SEMA3E: variants seen among roughly 807,000 people sequenced by gnomAD.
The protein encoded by SEMA3E is semaphorin-3E.
SEMA3E carries 49 observed loss-of-function variants against 93.6 expected under a neutral mutation model. The observed-to-expected ratio is 0.52, with a 90% CI of 0.42 to 0.66. SEMA3E has a LOEUF of 0.66. SEMA3E is among the 30% of genes least tolerant of loss of function. The pLI is 0.00. For synonymous variants in SEMA3E, 363 were observed against 330.7 expected, an observed-to-expected ratio of 1.10 and a Z score of -1.06; for missense variants, 906 against 964.8, an observed-to-expected ratio of 0.94 and a Z score of 0.81.
intron 4 of SEMA3E, among the ~76,000 whole-genome samples, chr7:83,464,247 T>C (rs955119595): frequency 2.6e-5 from 4 of 151,622 alleles, no homozygotes; most frequent in African/African-American, 9.7e-5. Flanking sequence ...CTTTTACCAC[T>C]TTCCCTTCTC....
intron 1 of SEMA3E, among the ~76,000 whole-genome samples, chr7:83,575,917 G>T (rs215292): frequency 0.58 from 87,932 of 151,788 alleles, 27,177 homozygotes; most frequent in African/African-American, 0.8. Flanking sequence ...CACAGTAAAG[G>T]TTTGTTAATG....
chr7:83,407,416 C>T (rs1370960941), intron 6 of SEMA3E, among the ~76,000 whole-genome samples, 177 bp from the exon 7 acceptor site: 1 of 152,068 alleles, frequency 6.6e-6, no homozygotes, highest in Non-Finnish European at 1.5e-5. Context: ...GATATCTCCA[C>T]TTTATTTGCA....
chr7:83,547,602 C>A (rs1791678659), intron 1 of SEMA3E, among the ~76,000 whole-genome samples: 1 of 152,072 alleles, frequency 6.6e-6, no homozygotes, highest in Non-Finnish European at 1.5e-5. Flanking sequence ...ATAACTGCCA[C>A]CAAAATGATG....
chr7:83,544,277 A>G (rs148819940), intron 1 of SEMA3E, among the ~76,000 whole-genome samples: 1 of 152,238 alleles, frequency 6.6e-6, no homozygotes, highest in East Asian at 1.9e-4. Flanking sequence ...CAGATAATTG[A>G]GAAGTACAGT....
intron 1 of SEMA3E, among the ~76,000 whole-genome samples, chr7:83,526,738 A>T (rs62477025): frequency 0.53 from 80,208 of 152,062 alleles, 23,517 homozygotes; most frequent in Middle Eastern, 0.69. Flanking sequence ...TTTGTGCTTT[A>T]AAAGTTCTTT....
chr7:83,525,378 G>T (rs1209493339), intron 1 of SEMA3E, among the ~76,000 whole-genome samples: 1 of 151,672 alleles, frequency 6.6e-6, no homozygotes, highest in Admixed American at 6.6e-5. Flanking sequence ...CCATTGTACT[G>T]GGCTCTCTCA....
At chr7:83,489,322 AAAC>A (rs1034381996) in intron 2 of SEMA3E, among the ~76,000 whole-genome samples, 14 of 152,188 alleles carry the variant, frequency 9.2e-5, no homozygotes, top group Admixed American at 8.5e-4. Flanking sequence ...GAACCAGAAG[AAAC>A]AACAAGAAGT....
At chr7:83,645,134 T>C (rs1003392102) in intron 1 of SEMA3E, among the ~76,000 whole-genome samples, 2 of 151,990 alleles carry the variant, frequency 1.3e-5, no homozygotes, top group East Asian at 3.9e-4. Flanking sequence ...ACCTCATTAG[T>C]GCAGGATGGT....
chr7:83,392,388 C>G (rs996572019), intron 14 of SEMA3E, among the ~76,000 whole-genome samples, 167 bp downstream of exon 14: 2 of 151,062 alleles, frequency 1.3e-5, no homozygotes, highest in Non-Finnish European at 2.9e-5. Context: ...AAAACTGACT[C>G]AAACCTGGGT....
chr7:83,526,438 A>T (rs1791161560), intron 1 of SEMA3E, among the ~76,000 whole-genome samples: 1 of 152,136 alleles, frequency 6.6e-6, no homozygotes, highest in Admixed American at 6.6e-5. Flanking sequence ...GAAAGGTTAT[A>T]TTGGATAAGG....
rs1219830918 is a variant in SEMA3E at position 83,482,699 on chromosome 7, C to A, written c.276+7415G>T. Among the ~76,000 whole-genome samples the A allele has an allele frequency of 4.0e-5, 6 of 151,608 alleles. No homozygotes were observed. In the East Asian group the frequency reaches 9.8e-4, roughly 25 times the overall value. On this transcript the variant is annotated intron_variant, in intron 2 of 16. Transcript: ENST00000643230. Reference sequence around the variant, plus strand: ...TACATCTTCAAAGATGAACATAACACAATGCCTACTCTTAGGGACCCATCT... The same window carrying A: ...TACATCTTCAAAGATGAACATAACAAAATGCCTACTCTTAGGGACCCATCT...
intron 1 of SEMA3E, among the ~76,000 whole-genome samples, chr7:83,514,917 T>C (rs1195872238): frequency 6.6e-6 from 1 of 152,210 alleles, no homozygotes; most frequent in African/African-American, 2.4e-5. Flanking sequence ...TTTACTTATA[T>C]ATTTTAGCTA....
intron 14 of SEMA3E, among the ~76,000 whole-genome samples, chr7:83,389,958 A>AGTGTATACGTATACACATATATATAT (rs1787966795): frequency 2.6e-5 from 1 of 38,288 alleles, no homozygotes; most frequent in Non-Finnish European, 6.3e-5. Flanking sequence ...ATATGTGTAT[A>AGTGTATACGTATACACATATATATAT]GTGTATACGT....
intron 1 of SEMA3E, among the ~76,000 whole-genome samples, chr7:83,609,643 G>A (rs912424515): frequency 4.0e-5 from 6 of 151,510 alleles, no homozygotes; most frequent in East Asian, 1.9e-4. Flanking sequence ...TGTGATCAAC[G>A]GTGATTAATT....
rs933329319 is a variant in SEMA3E, at chr7:83,365,968, T to C, written c.*1618A>G. 7 of 152,112 alleles carry C rather than the reference T, an allele frequency of 4.6e-5. No homozygotes were observed. Among genetic ancestry groups the C allele is most frequent in the African/African-American group, 1.7e-4 (7 of 41,436 alleles). The allele number at this position is 152,112 out of a possible 1,614,324, so 9.4% of individuals were successfully genotyped here. On this transcript the variant is annotated 3_prime_UTR_variant, in exon 17 of 17. Coordinates refer to ENST00000643230, the MANE Select transcript of SEMA3E (RefSeq NM_012431.3). ...GACCTCCAGTGGATTCTTGGGTAAA[T>C]AGCAAGTGGAATTTTCAGAGGATGT...
At chr7:83,618,165 A>G (rs1179784662) in intron 1 of SEMA3E, among the ~76,000 whole-genome samples, 2 of 152,106 alleles carry the variant, frequency 1.3e-5, no homozygotes, top group Non-Finnish European at 2.9e-5. Context: ...TAAAGTGAAC[A>G]TTGTCAGTAC....
At chr7:83,401,373 G>A (rs1045602184) in intron 10 of SEMA3E, among the ~76,000 whole-genome samples, 2 of 152,036 alleles carry the variant, frequency 1.3e-5, no homozygotes, top group Admixed American at 6.6e-5. Context: ...TTATAATGGT[G>A]TGGTTTTTAA....
intron 5 of SEMA3E, among the ~76,000 whole-genome samples, chr7:83,414,874 T>C (rs1347118338): frequency 2.6e-5 from 4 of 152,030 alleles, no homozygotes. Context: ...GAATTGGTAA[T>C]ACAACTATGG....
intron 1 of SEMA3E, among the ~76,000 whole-genome samples, chr7:83,519,714 C>T (rs1791005966): frequency 6.6e-6 from 1 of 152,250 alleles, no homozygotes; most frequent in East Asian, 1.9e-4. Context: ...TTAGCCCCTA[C>T]TAAACCATGA....
Sources: allele counts gnomAD v4.1 joint callset (sites outside exome capture counted in the v4.1 genomes callset), GRCh38; gene constraint gnomAD v4.1.1; transcripts MANE v1.5; gene names NCBI Gene and HGNC (gene_info 2026-07-23, HGNC 2026-07-21).